Variants in SV2C observed in about 807,000 individuals in gnomAD.
SV2C encodes solute carrier family 22 member B3.
A neutral mutation model predicts 79.7 loss-of-function variants in SV2C; 49 were observed. The ratio of observed to expected loss-of-function variants is 0.61; its 90% CI spans 0.49 to 0.78. The LOEUF (loss-of-function observed/expected upper bound fraction) is 0.78. Among genes scored for constraint, SV2C ranks in the 30% least tolerant of loss-of-function variants. SV2C has a pLI of 0.00. For missense variants in SV2C, 833 were observed against 912.9 expected (o/e 0.91, Z 1.13); for synonymous variants, 334 against 333.2 (o/e 1.00, Z -0.03).
the SV2C span, among the ~76,000 whole-genome samples, chr5:75,924,025 T>C: frequency 6.6e-6 from 1 of 152,136 alleles, no homozygotes; most frequent in East Asian, 1.9e-4. Flanking sequence ...CTTTGACCAA[T>C]GAGTGGCTAA....
chr5:76,284,260 T>C (rs1214285112), intron 4 of SV2C, among the ~76,000 whole-genome samples: 3 of 151,812 alleles, frequency 2.0e-5, no homozygotes, highest in South Asian at 2.1e-4. Flanking sequence ...CCATTATGCT[T>C]ATTTTTCTAT....
the SV2C span, among the ~76,000 whole-genome samples, chr5:75,957,923 G>T: frequency 6.6e-6 from 1 of 151,926 alleles, no homozygotes; most frequent in African/African-American, 2.4e-5. Context: ...TTGGATACAG[G>T]ACATACCTCC....
chr5:75,863,229 G>A, the SV2C span, among the ~76,000 whole-genome samples: 2 of 152,064 alleles, frequency 1.3e-5, no homozygotes, highest in Non-Finnish European at 2.9e-5. Flanking sequence ...GAAAAGATAC[G>A]CTGTACCCTG....
At chr5:75,996,645 C>T in the SV2C span, among the ~76,000 whole-genome samples, 1 of 151,994 alleles carries the variant, frequency 6.6e-6, no homozygotes, top group Non-Finnish European at 1.5e-5. Context: ...TTGTTTGTAT[C>T]CTCTTTTATT....
At chr5:76,038,463 T>C in the SV2C span, among the ~76,000 whole-genome samples, 4 of 152,174 alleles carry the variant, frequency 2.6e-5, no homozygotes, top group Non-Finnish European at 5.9e-5. Flanking sequence ...TTAACTTCTA[T>C]TTGCCTTGGT....
the SV2C span, among the ~76,000 whole-genome samples, chr5:75,858,456 C>T: frequency 2.0e-5 from 3 of 152,198 alleles, no homozygotes; most frequent in Non-Finnish European, 4.4e-5. Context: ...ATAAATCCCA[C>T]TTGGTCATGA....
chr5:76,309,797 G>A (rs1748357892), intron 12 of SV2C, among the ~76,000 whole-genome samples: 3 of 152,032 alleles, frequency 2.0e-5, no homozygotes, highest in African/African-American at 7.2e-5. Context: ...ACAGTTGAGT[G>A]AATGGAGATG....
At chr5:76,014,657 T>A in the SV2C span, among the ~76,000 whole-genome samples, 1 of 152,014 alleles carries the variant, frequency 6.6e-6, no homozygotes, top group East Asian at 1.9e-4. Flanking sequence ...CACACACATG[T>A]GCGCACACAC....
intron 2 of SV2C, among the ~76,000 whole-genome samples, chr5:76,187,026 TAGG>T (rs1222422397): frequency 1.3e-5 from 2 of 152,036 alleles, no homozygotes; most frequent in Non-Finnish European, 2.9e-5. Context: ...GAACTTGGAG[TAGG>T]AGAACCTCGC....
intron 4 of SV2C, among the ~76,000 whole-genome samples, chr5:76,222,808 A>G (rs1745105623): frequency 6.6e-6 from 1 of 152,194 alleles, no homozygotes; most frequent in East Asian, 1.9e-4. Context: ...TATTCTAACA[A>G]TTTTGGGGGG....
the SV2C span, among the ~76,000 whole-genome samples, chr5:76,012,456 GT>G: frequency 1.8e-4 from 27 of 152,146 alleles, no homozygotes; most frequent in African/African-American, 6.3e-4. Flanking sequence ...CGATGGGGTT[GT>G]TTTTTTCTTG....
chr5:76,203,632 A>G (rs1020203570), intron 3 of SV2C, among the ~76,000 whole-genome samples: 1 of 152,192 alleles, frequency 6.6e-6, no homozygotes, highest in African/African-American at 2.4e-5. Context: ...TAGGCCACCA[A>G]TCTGATAGCA....
the SV2C span, among the ~76,000 whole-genome samples, chr5:75,853,942 G>T: frequency 6.9e-6 from 1 of 143,940 alleles, no homozygotes; most frequent in Admixed American, 7.1e-5. Flanking sequence ...GATTAGCTTT[G>T]ACAGATATAT....
intron 2 of SV2C, among the ~76,000 whole-genome samples, chr5:76,177,173 TATTA>T (rs1318464522): frequency 1.1e-4 from 17 of 148,450 alleles, no homozygotes; most frequent in African/African-American, 3.7e-4. Flanking sequence ...TAATCAATTA[TATTA>T]ATCAATATAT....
At chr5:75,904,836 C>T in the SV2C span, among the ~76,000 whole-genome samples, 2 of 152,206 alleles carry the variant, frequency 1.3e-5, no homozygotes, top group African/African-American at 2.4e-5. Context: ...TAACTGCTAC[C>T]TAAGGACAGT....
At chr5:76,204,165 C>T (rs990147747) in intron 3 of SV2C, among the ~76,000 whole-genome samples, 3 of 152,164 alleles carry the variant, frequency 2.0e-5, no homozygotes, top group East Asian at 1.9e-4. Context: ...GCTCTAATCC[C>T]TTATTTCTGG....
the SV2C span, among the ~76,000 whole-genome samples, chr5:76,067,355 T>C: frequency 4.3e-4 from 66 of 152,170 alleles, no homozygotes; most frequent in East Asian, 3.9e-4. Flanking sequence ...CTGACTGTGA[T>C]TTTTTGACTT....
At chr5:75,990,973 C>T in the SV2C span, among the ~76,000 whole-genome samples, 3 of 151,860 alleles carry the variant, frequency 2.0e-5, no homozygotes, top group Admixed American at 1.3e-4. Context: ...TATCGTCAGG[C>T]CTGAAAAATC....
At chr5:75,911,835 A>G in the SV2C span, 1 of 556,956 alleles carries the variant, frequency 1.8e-6, no homozygotes, top group South Asian at 1.4e-5. Context: ...CTGAACCTCA[A>G]GAATAGGTAT....
Sources: allele counts gnomAD v4.1 joint callset (sites outside exome capture counted in the v4.1 genomes callset), GRCh38; gene constraint gnomAD v4.1.1; transcripts MANE v1.5; gene names NCBI Gene and HGNC (gene_info 2026-07-23, HGNC 2026-07-21).